NBEA: variants seen among roughly 807,000 people sequenced by gnomAD.
NBEA encodes neurobeachin, also known as lysosomal-trafficking regulator 2.
In NBEA, 44 loss-of-function variants were observed where a neutral mutation model predicts 343.4. That is an observed-to-expected ratio of 0.13 (90% CI 0.10 to 0.16). The LOEUF (loss-of-function observed/expected upper bound fraction) is 0.16, where lower values mean the gene tolerates loss of function less well. Ranked by LOEUF, NBEA falls within the 10% of genes least tolerant of loss-of-function variation. The pLI, the probability that NBEA is intolerant of heterozygous loss-of-function variation, is 1.00. For synonymous variants in NBEA, 1,175 were observed against 1,238.7 expected, an observed-to-expected ratio of 0.95 and a Z score of 1.08; for missense variants, 2,555 against 3,631.3, an observed-to-expected ratio of 0.70 and a Z score of 7.62.
intron 1 of NBEA, among the ~76,000 whole-genome samples, chr13:35,039,699 T>C (rs970327606): frequency 3.3e-5 from 5 of 152,162 alleles, no homozygotes; most frequent in Admixed American, 3.3e-4. Flanking sequence ...TTACTATTTA[T>C]CCTATTTACA....
At chr13:35,412,079 A>G (rs1051869746) in intron 38 of NBEA, among the ~76,000 whole-genome samples, 1 of 152,142 alleles carries the variant, frequency 6.6e-6, no homozygotes, top group Non-Finnish European at 1.5e-5. Context: ...AAGTTAGTAC[A>G]AGTTTATTTT....
chr13:35,163,152 T>A (rs1476181892), intron 23 of NBEA, among the ~76,000 whole-genome samples: 1 of 152,136 alleles, frequency 6.6e-6, no homozygotes, highest in African/African-American at 2.4e-5. Context: ...TTTTCTTTAA[T>A]GGGCTCTCAT....
intron 1 of NBEA, among the ~76,000 whole-genome samples, chr13:35,019,712 G>A (rs1040698794): frequency 6.6e-6 from 1 of 152,016 alleles, no homozygotes; most frequent in African/African-American, 2.4e-5. Context: ...ATTTAGATTG[G>A]CTATTTATTC....
intron 38 of NBEA, among the ~76,000 whole-genome samples, chr13:35,373,728 T>TAATAATAATAATAATAATAATAAC (rs771571446): frequency 1.5e-4 from 23 of 151,298 alleles, no homozygotes; most frequent in Non-Finnish European, 3.1e-4. Flanking sequence ...ATAATAATAA[T>TAATAATAATAATAATAATAATAAC]AACAAAAACC....
intron 1 of NBEA, among the ~76,000 whole-genome samples, chr13:34,966,634 T>TC (rs1555262790): frequency 2.0e-5 from 3 of 149,924 alleles, no homozygotes; most frequent in African/African-American, 2.4e-5. Flanking sequence ...TTTTTTTTTT[T>TC]TCTCTCTCTC....
intron 36 of NBEA, among the ~76,000 whole-genome samples, chr13:35,315,065 T>G (rs566591594): frequency 6.6e-6 from 1 of 152,352 alleles, no homozygotes; most frequent in South Asian, 2.1e-4. Flanking sequence ...CCCATTTGCA[T>G]GCACATATAA....
intron 1 of NBEA, among the ~76,000 whole-genome samples, chr13:35,031,096 A>AC: frequency 6.6e-6 from 1 of 151,752 alleles, no homozygotes; most frequent in African/African-American, 2.4e-5. Flanking sequence ...TCAAGTGTAT[A>AC]CCCTTTATTC....
At chr13:35,526,081 G>C (rs533967567) in intron 41 of NBEA, among the ~76,000 whole-genome samples, 1 of 152,064 alleles carries the variant, frequency 6.6e-6, no homozygotes, top group African/African-American at 2.4e-5. Context: ...TTCCTTCCTC[G>C]TTGGTAAAAT....
At chr13:35,394,371 C>T (rs547740033) in intron 38 of NBEA, among the ~76,000 whole-genome samples, 1 of 152,084 alleles carries the variant, frequency 6.6e-6, no homozygotes, top group South Asian at 2.1e-4. Flanking sequence ...TTTTTCCTCC[C>T]TTTTTGGTGT....
intron 1 of NBEA, among the ~76,000 whole-genome samples, chr13:35,027,415 C>T (rs922419978): frequency 2.0e-5 from 3 of 151,624 alleles, no homozygotes; most frequent in Non-Finnish European, 1.5e-5. Flanking sequence ...CCAGCACTTG[C>T]TGTTACTACT....
chr13:35,123,154 AAAAAG>A (rs754617110), intron 16 of NBEA, among the ~76,000 whole-genome samples: 1 of 152,186 alleles, frequency 6.6e-6, no homozygotes, highest in Non-Finnish European at 1.5e-5. Flanking sequence ...AAAGATTTTA[AAAAAG>A]AAAATAGGGT....
At chr13:35,032,006 T>C (rs1054884233) in intron 1 of NBEA, among the ~76,000 whole-genome samples, 1 of 151,818 alleles carries the variant, frequency 6.6e-6, no homozygotes, top group Admixed American at 6.6e-5. Flanking sequence ...CTGCATAGTA[T>C]TCCATCTGGT....
At chr13:35,557,257 C>G (rs1181255201) in intron 44 of NBEA, among the ~76,000 whole-genome samples, 1 of 152,122 alleles carries the variant, frequency 6.6e-6, no homozygotes, top group Non-Finnish European at 1.5e-5. Context: ...GCATTTTACT[C>G]ATGTAAGGTC....
intron 34 of NBEA, among the ~76,000 whole-genome samples, chr13:35,256,027 A>G (rs1333909197): frequency 2.0e-5 from 3 of 151,926 alleles, no homozygotes; most frequent in Non-Finnish European, 4.4e-5. Flanking sequence ...TGGAGTGAGT[A>G]GCTCCTTTCC....
At chr13:35,475,547 T>G (rs1344783783) in intron 41 of NBEA, 2 of 1,613,190 alleles carry the variant, frequency 1.2e-6, no homozygotes, top group Non-Finnish European at 1.7e-6. Flanking sequence ...GCCACCCGGT[T>G]GGGTCCCGGC....
chr13:34,947,788 A>G (rs2059231697), intron 1 of NBEA, among the ~76,000 whole-genome samples: 1 of 152,230 alleles, frequency 6.6e-6, no homozygotes, highest in South Asian at 2.1e-4. Flanking sequence ...TATGTTCAAC[A>G]TTACGGTCCA....
chr13:35,492,409 A>G (rs1045196202), intron 41 of NBEA, among the ~76,000 whole-genome samples: 3 of 151,950 alleles, frequency 2.0e-5, no homozygotes, highest in African/African-American at 7.2e-5. Context: ...GTGATGCAAG[A>G]AAAAATTTTA....
At chr13:35,181,878 A>G (rs1427633765) in intron 28 of NBEA, among the ~76,000 whole-genome samples, 1 of 151,294 alleles carries the variant, frequency 6.6e-6, no homozygotes. Flanking sequence ...CCCATTGTTT[A>G]TTTCTCCTCT....
At chr13:35,105,717 A>G (rs546701928) in intron 11 of NBEA, among the ~76,000 whole-genome samples, 1 of 152,046 alleles carries the variant, frequency 6.6e-6, no homozygotes, top group Admixed American at 6.6e-5. Flanking sequence ...TACCAAAACA[A>G]CAACACATGA....
Sources: allele counts gnomAD v4.1 joint callset (sites outside exome capture counted in the v4.1 genomes callset), GRCh38; gene constraint gnomAD v4.1.1; transcripts MANE v1.5; gene names NCBI Gene and HGNC (gene_info 2026-07-23, HGNC 2026-07-21).